The following SNX3 variants were observed in gnomAD, a reference collection of about 807,000 sequenced individuals.
The protein encoded by SNX3 is sorting nexin 3, also known as sorting nexin-3.
In SNX3, 5 loss-of-function variants were observed where a neutral mutation model predicts 17.7. The observed-to-expected ratio is 0.28, with a 90% CI of 0.15 to 0.59. SNX3 has a LOEUF of 0.59. Among genes scored for constraint, SNX3 ranks in the 20% least tolerant of loss-of-function variants. The pLI is 0.88. For synonymous variants in SNX3, 91 were observed against 76.5 expected (o/e 1.19, Z -0.99); for missense variants, 132 against 206.8 (o/e 0.64, Z 2.22).
rs1162997735 is a variant in SNX3, at chr6:108,252,702, G to A, written c.162+8058C>T. Among the ~76,000 whole-genome samples, 6 of 151,468 alleles carry A rather than the reference G, an allele frequency of 4.0e-5. No individual in the cohort carries two copies. In the East Asian group the frequency reaches 7.7e-4, roughly 20 times the overall value. On this transcript the variant is annotated intron_variant, in intron 1 of 3. Transcript: ENST00000230085. ...TTCTCTTTTTTTTTGGCACAGAGTC[G>A]CGCTGCCACCCACCGCAACCTCTGC...
intron 2 of SNX3, among the ~76,000 whole-genome samples, chr6:108,217,017 T>C (rs988058887): frequency 3.3e-5 from 5 of 152,148 alleles, no homozygotes; most frequent in Non-Finnish European, 7.4e-5. Flanking sequence ...AACCATTACG[T>C]TCCAGTAGAA....
intron 1 of SNX3, among the ~76,000 whole-genome samples, chr6:108,239,612 GTTTTA>G (rs770331832): frequency 2.3e-4 from 35 of 152,184 alleles, no homozygotes; most frequent in Admixed American, 2.3e-3. Context: ...CTCCTCTGAA[GTTTTA>G]TTTTATGGCC....
At chr6:108,212,329 T>C (rs543622975) in intron 3 of SNX3, 75 bp from the exon 4 acceptor site, 5 of 1,025,318 alleles carry the variant, frequency 4.9e-6, no homozygotes, top group Admixed American at 2.6e-5. Context: ...ATTTTAAAGT[T>C]GAGAAGCATG....
At chr6:108,231,460 TAA>T (rs1236814476) in intron 1 of SNX3, among the ~76,000 whole-genome samples, 1 of 152,214 alleles carries the variant, frequency 6.6e-6, no homozygotes, top group Non-Finnish European at 1.5e-5. Context: ...ACACTGACAA[TAA>T]AGAGTTCAGA....
Position 108,245,527 on chromosome 6 carries a change from C to T in SNX3, c.162+15233G>A, listed in dbSNP as rs142575622. 1.9e-3 allele frequency among the ~76,000 whole-genome samples: 284 copies of T among 152,260 alleles called. 2 individuals carry two copies. The highest frequency in any genetic ancestry group is 6.6e-3 in the African/African-American group (274 of 41,542). Reference sequence around the variant, plus strand: ...CTGGTTTTAGATCCTTGAGGAAATGCCACACTGTCTTCCCCAATGGTTGAA... The same window carrying T: ...CTGGTTTTAGATCCTTGAGGAAATGTCACACTGTCTTCCCCAATGGTTGAA... On this transcript the variant is annotated intron_variant, in intron 1 of 3. Transcript: ENST00000230085.
intron 1 of SNX3, among the ~76,000 whole-genome samples, chr6:108,228,102 A>C (rs1562425497): frequency 6.6e-6 from 1 of 152,146 alleles, no homozygotes; most frequent in African/African-American, 2.4e-5. Flanking sequence ...TAAAAAGTTG[A>C]ATTTCCATGG....
intron 1 of SNX3, among the ~76,000 whole-genome samples, chr6:108,233,255 A>G (rs1775225847): frequency 6.6e-6 from 1 of 152,370 alleles, no homozygotes; most frequent in South Asian, 2.1e-4. Flanking sequence ...TGCATTAATA[A>G]TTCTATTTTA....
rs571872568 is a variant in SNX3 at position 108,249,199 on chromosome 6, A to G, written c.162+11561T>C. ...ATGTAGTGAGATTCTGTCTCTTAAA[A>G]CACATACACACACAAAACCCCACAA... On this transcript the variant is annotated intron_variant, in intron 1 of 3. Coordinates refer to ENST00000230085, the MANE Select transcript of SNX3 (RefSeq NM_003795.6). 2.0e-5 allele frequency among the ~76,000 whole-genome samples: 3 copies of G among 152,238 alleles called. No individual in the cohort carries two copies. The South Asian group carries it at 6.2e-4, about 32-fold the overall frequency.
At chr6:108,249,800 G>A (rs1775794916) in intron 1 of SNX3, among the ~76,000 whole-genome samples, 1 of 152,144 alleles carries the variant, frequency 6.6e-6, no homozygotes, top group Non-Finnish European at 1.5e-5. Context: ...CAACAATAGG[G>A]TTATGCATTA....
chr6:108,228,854 A>G (rs1320599055), intron 1 of SNX3, among the ~76,000 whole-genome samples: 1 of 152,250 alleles, frequency 6.6e-6, no homozygotes, highest in African/African-American at 2.4e-5. Flanking sequence ...AAAAACCCCA[A>G]AAAAGACCAG....
intron 2 of SNX3, among the ~76,000 whole-genome samples, chr6:108,218,889 T>C (rs1774667651): frequency 6.6e-6 from 1 of 152,228 alleles, no homozygotes; most frequent in African/African-American, 2.4e-5. Flanking sequence ...TGTCTACTAA[T>C]GGGGACAGGG....
intron 1 of SNX3, among the ~76,000 whole-genome samples, chr6:108,258,698 G>T (rs1046110068): frequency 3.1e-4 from 47 of 151,968 alleles, no homozygotes; most frequent in Admixed American, 1.1e-3. Context: ...TTGTGGGGAA[G>T]GGGTTTCAAC....
chr6:108,247,363 TATCTAGG>T (rs1775722368), intron 1 of SNX3, among the ~76,000 whole-genome samples: 1 of 151,926 alleles, frequency 6.6e-6, no homozygotes, highest in African/African-American at 2.4e-5. Flanking sequence ...AAGTGGTCAA[TATCTAGG>T]ATGTATTTTT....
chr6:108,219,914 A>C (rs929467324), intron 2 of SNX3, among the ~76,000 whole-genome samples: 1 of 152,214 alleles, frequency 6.6e-6, no homozygotes, highest in African/African-American at 2.4e-5. Flanking sequence ...ATGGAGGTGA[A>C]AAATTCCTAT....
intron 1 of SNX3, among the ~76,000 whole-genome samples, chr6:108,241,143 CAAAAAA>C (rs71274311): frequency 2.0e-5 from 1 of 51,184 alleles, no homozygotes; most frequent in Non-Finnish European, 3.8e-5. Context: ...GACTCCGTCT[CAAAAAA>C]AAAAAAAAAA....
At chr6:108,244,867 T>C (rs1775636180) in intron 1 of SNX3, among the ~76,000 whole-genome samples, 1 of 152,044 alleles carries the variant, frequency 6.6e-6, no homozygotes, top group African/African-American at 2.4e-5. Flanking sequence ...CTCGAACTCC[T>C]GACCTCAAGT....
chr6:108,235,512 C>G (rs1343295554), intron 1 of SNX3, among the ~76,000 whole-genome samples: 2 of 152,186 alleles, frequency 1.3e-5, no homozygotes. Flanking sequence ...TCAACTGAAG[C>G]AATAACCTGA....
chr6:108,213,360 A>G (rs1039988464), intron 3 of SNX3, among the ~76,000 whole-genome samples: 1 of 152,156 alleles, frequency 6.6e-6, no homozygotes, highest in Non-Finnish European at 1.5e-5. Flanking sequence ...ATTTAAAAAT[A>G]TCTAATATAG....
At chr6:108,224,565 C>G (rs542007190) in intron 1 of SNX3, among the ~76,000 whole-genome samples, 8 of 152,272 alleles carry the variant, frequency 5.3e-5, no homozygotes, top group African/African-American at 1.9e-4. Context: ...CAGGCGTGAG[C>G]CACCACACCT....
Sources: allele counts gnomAD v4.1 joint callset (sites outside exome capture counted in the v4.1 genomes callset), GRCh38; gene constraint gnomAD v4.1.1; transcripts MANE v1.5; gene names NCBI Gene and HGNC (gene_info 2026-07-23, HGNC 2026-07-21).